Variants in CYP27A1 observed in about 807,000 individuals in gnomAD.
CYP27A1 encodes the protein sterol 26-hydroxylase, mitochondrial.
A neutral mutation model predicts 58.2 loss-of-function variants in CYP27A1; 46 were observed. The observed-to-expected ratio is 0.79, with a 90% CI of 0.62 to 1.01. The LOEUF (loss-of-function observed/expected upper bound fraction) is 1.01, where lower values mean the gene tolerates loss of function less well. Among genes scored for constraint, CYP27A1 ranks in the 50% least tolerant of loss-of-function variants. The pLI is 0.00. For synonymous variants in CYP27A1, 274 were observed against 285.1 expected, an observed-to-expected ratio of 0.96 and a Z score of 0.39; for missense variants, 704 against 687.0, an observed-to-expected ratio of 1.02 and a Z score of -0.28.
chr2:218,797,597 G>T (rs1273586030), intron 1 of CYP27A1, among the ~76,000 whole-genome samples: 1 of 152,182 alleles, frequency 6.6e-6, no homozygotes, highest in Non-Finnish European at 1.5e-5. Flanking sequence ...CCATGCATCA[G>T]GAAAGACAAT....
chr2:218,796,967 C>G (rs934584252), intron 1 of CYP27A1, among the ~76,000 whole-genome samples: 1 of 152,058 alleles, frequency 6.6e-6, no homozygotes, highest in African/African-American at 2.4e-5. Context: ...AACCGTCTTT[C>G]GAAAAGGAGT....
chr2:218,798,605 G>A (rs1164998851), intron 1 of CYP27A1, among the ~76,000 whole-genome samples: 1 of 152,182 alleles, frequency 6.6e-6, no homozygotes, highest in Non-Finnish European at 1.5e-5. Flanking sequence ...AGCCTAGGCC[G>A]GGTGCAGTGG....
chr2:218,800,425 AAAAT>A (rs1198042295), intron 1 of CYP27A1, among the ~76,000 whole-genome samples: 1 of 152,210 alleles, frequency 6.6e-6, no homozygotes, highest in Non-Finnish European at 1.5e-5. Flanking sequence ...CAAAAAAATA[AAAAT>A]AAATAAACAA....
chr2:218,812,190 T>G, intron 2 of CYP27A1, 32 bp from the exon 3 acceptor site: 1 of 1,581,578 alleles, frequency 6.3e-7, no homozygotes, highest in East Asian at 2.2e-5. Flanking sequence ...CATAGAGGCT[T>G]ATCTTTGTGC....
At chr2:218,810,877 G>A (rs1375201330) in intron 2 of CYP27A1, among the ~76,000 whole-genome samples, 2 of 152,182 alleles carry the variant, frequency 1.3e-5, no homozygotes, top group African/African-American at 4.8e-5. Flanking sequence ...ACTGGGTGCG[G>A]TGGCTCACGC....
Position 218,814,439 on chromosome 2 carries a change from G to A in CYP27A1, c.1244G>A (p.Gly415Asp), listed in dbSNP as rs755343859. 1 of 1,614,232 alleles carries A rather than the reference G, an allele frequency of 6.2e-7. No homozygotes were observed. Among genetic ancestry groups the A allele is most frequent in the Non-Finnish European group, 8.5e-7 (1 of 1,180,026 alleles). Reference sequence around the variant, plus strand: ...ATAGAAAAGGAAATTGAAGTTGATGGCTTCCTCTTCCCCAAGAACGTGAGT... The same window carrying A: ...ATAGAAAAGGAAATTGAAGTTGATGACTTCCTCTTCCCCAAGAACGTGAGT... ...RIIEKEIEVD[G>D]FLFPKNTQFV... The change falls in exon 7 of 9, where the codon GGC becomes GAC. Residue 415 changes from glycine (G) to aspartate (D), a missense_variant. Transcript: ENST00000258415.
Position 218,814,142 on chromosome 2 carries a change from T to G in CYP27A1, c.1139T>G (p.Phe380Cys). 1.2e-6 allele frequency: 2 copies of G among 1,614,258 alleles called. No individual in the cohort carries two copies. The highest frequency in any genetic ancestry group is 1.7e-6 in the Non-Finnish European group (2 of 1,180,048). ...PAGQVPQHKDFAHMPLLKAVL... is the reference protein window; with the variant it reads ...PAGQVPQHKDCAHMPLLKAVL... ...GGGCAAGTGCCCCAGCACAAGGACT[T>G]TGCCCACATGCCGTTGCTCAAAGCT... Residue 380 changes from phenylalanine to cysteine, a missense_variant, in exon 6 of 9, where the codon TTT becomes TGT. Phe to Cys is a radical substitution (Grantham distance 205). Coordinates refer to ENST00000258415, the MANE Select transcript of CYP27A1 (RefSeq NM_000784.4).
rs587778787 is a variant in CYP27A1 at position 218,814,683 on chromosome 2, C to T, written c.1402C>T (p.Pro468Ser). ...PRIQHPFGSV[P>S]FGYGVRACLG... ...GATCCAGCACCCATTTGGCTCTGTG[C>T]CCTTTGGCTATGGGGTCCGGGCCTG... The change falls in exon 8 of 9, where the codon CCC becomes TCC. Residue 468 changes from proline to serine, a missense_variant. Pro to Ser is a moderately conservative substitution (Grantham distance 74). Coordinates refer to ENST00000258415, the MANE Select transcript of CYP27A1 (RefSeq NM_000784.4). 1 of 1,614,202 alleles carries T rather than the reference C, an allele frequency of 6.2e-7. No individual in the cohort carries two copies. The highest frequency in any genetic ancestry group is 1.1e-5 in the South Asian group (1 of 91,080).
chr2:218,809,843 G>T (rs538464293), intron 2 of CYP27A1, 76 bp downstream of exon 2: 2 of 1,403,750 alleles, frequency 1.4e-6, no homozygotes, highest in East Asian at 4.6e-5. Flanking sequence ...AGGGCAGGCA[G>T]GTGGATAACC....
At position 218,812,216 on chromosome 2, in the gene CYP27A1, C is replaced by T; in HGVS notation, c.447-6C>T. 6.2e-7 allele frequency: 1 copy of T among 1,613,130 alleles called. No homozygotes were observed. ...ATCTTTGTGCTGTTCCTCTGCGTCC[C>T]TGCAGGGAAGGACACCACTGGTACC... On this transcript the variant is annotated splice_polypyrimidine_tract_variant and splice_region_variant and intron_variant, in intron 2 of 8. Transcript: ENST00000258415.
intron 1 of CYP27A1, among the ~76,000 whole-genome samples, chr2:218,786,345 G>A (rs984657900): frequency 6.6e-6 from 1 of 152,200 alleles, no homozygotes; most frequent in South Asian, 2.1e-4. Flanking sequence ...CACACAAAGG[G>A]GAGGACGGCA....
rs1228333852 is a variant in CYP27A1 at position 218,809,452 on chromosome 2, T to TAC, written c.256-125_256-124insAC. 686 of 480,664 alleles carry TAC rather than the reference T, an allele frequency of 1.4e-3. 20 individuals are homozygous for TAC. The highest frequency in any genetic ancestry group is 0.012 in the African/African-American group (555 of 46,650). 29.8% of individuals were successfully genotyped at this position (480,664 alleles called of 1,614,324 possible). On this transcript the variant is annotated intron_variant, in intron 1 of 8. Coordinates refer to ENST00000258415, the MANE Select transcript of CYP27A1 (RefSeq NM_000784.4). The stretch of plus-strand genomic sequence containing the variant: ...ATCATACACAATGCCCTTTTTTTTT[T>TAC]TTTTTTTTTTTTGCCCAGCTCATTT...
intron 1 of CYP27A1, among the ~76,000 whole-genome samples, chr2:218,799,819 A>G (rs1016503144): frequency 2.6e-5 from 4 of 151,534 alleles, no homozygotes; most frequent in Admixed American, 6.6e-5. Flanking sequence ...GACCATAACC[A>G]TGGGTATTTC....
intron 1 of CYP27A1, 150 bp from the exon 2 acceptor site, chr2:218,809,427 A>G: frequency 1.5e-6 from 1 of 685,894 alleles, no homozygotes; most frequent in East Asian, 2.7e-5. Flanking sequence ...TGGTGCCTAC[A>G]TCATACACAA....
At chr2:218,813,216 CAT>C (rs1943744058) in intron 5 of CYP27A1, 120 bp downstream of exon 5, 2 of 912,704 alleles carry the variant, frequency 2.2e-6, no homozygotes, top group Admixed American at 2.8e-5. Context: ...TTTTCTGTAA[CAT>C]GGATACAGCC....
At chr2:218,785,276 G>T (rs1943431386) in intron 1 of CYP27A1, among the ~76,000 whole-genome samples, 3 of 152,128 alleles carry the variant, frequency 2.0e-5, no homozygotes, top group Non-Finnish European at 4.4e-5. Context: ...AGCTCAGGTG[G>T]TCATGTGAGT....
Position 218,782,321 on chromosome 2 carries a change from G to T in CYP27A1, c.139G>T (p.Gly47Trp). ...SDKATGAPGA[G>W]PGVRRRQRSL... The stretch of plus-strand genomic sequence containing the variant: ...CAAGGCCACCGGAGCTCCCGGAGCC[G>T]GGCCTGGTGTCCGGCGGCGGCAACG... The change falls in exon 1 of 9, where the codon GGG (glycine) becomes TGG (tryptophan). Residue 47 changes from glycine (G) to tryptophan (W), a missense_variant. Transcript: ENST00000258415. This position sits in a 1 kb window ranked among gnomAD's most constrained non-coding sequence, Gnocchi z 4.1. The T allele has an allele frequency of 6.2e-7, 1 of 1,612,556 alleles. No individual in the cohort carries two copies. The highest frequency in any genetic ancestry group is 8.5e-7 in the Non-Finnish European group (1 of 1,179,324).
Position 218,797,157 on chromosome 2 carries a change from A to G in CYP27A1, c.256-12420A>G, listed in dbSNP as rs529461880. ...GTTGCCCAGGCTGGAGTGCAATGGC[A>G]TGATCTTGGCTCACTGCAATCTCCC... On this transcript the variant is annotated intron_variant, in intron 1 of 8. Coordinates refer to ENST00000258415, the MANE Select transcript of CYP27A1 (RefSeq NM_000784.4). 2.0e-4 allele frequency among the ~76,000 whole-genome samples: 31 copies of G among 152,244 alleles called. No homozygotes were observed. The South Asian group carries it at 6.0e-3, about 30-fold the overall frequency.
chr2:218,814,938 GC>G lies in CYP27A1; in HGVS notation c.1508del (p.Pro503ArgfsTer6). On this transcript the variant is annotated frameshift_variant, in exon 9 of 9. Coordinates refer to ENST00000258415, the MANE Select transcript of CYP27A1 (RefSeq NM_000784.4). LOFTEE classifies it high-confidence loss of function. Reference sequence around the variant, plus strand: ...GATCCAGAAGTACAAGGTGGTCCTGGCCCCGGAGACGGGGGAGTTGAAGAGT... The same window carrying G: ...GATCCAGAAGTACAAGGTGGTCCTGGCCCGGAGACGGGGGAGTTGAAGAGT... Reference protein sequence around the residue: ...RLIQKYKVVLAPETGELKSVA... With the variant: ...RLIQKYKVVLXPETGELKSVA... 1 of 1,614,212 alleles carries G rather than the reference GC, an allele frequency of 6.2e-7. No individual in the cohort carries two copies. Among genetic ancestry groups the G allele is most frequent in the Non-Finnish European group, 8.5e-7 (1 of 1,180,040 alleles).
Sources: allele counts gnomAD v4.1 joint callset (sites outside exome capture counted in the v4.1 genomes callset), GRCh38; gene constraint gnomAD v4.1.1; non-coding constraint Gnocchi (gnomAD v3.1); transcripts MANE v1.5; gene names NCBI Gene and HGNC (gene_info 2026-07-23, HGNC 2026-07-21).